Variants in ABRAXAS1 observed in about 807,000 individuals in gnomAD.
ABRAXAS1 encodes abraxas 1, BRCA1 A complex subunit.
ABRAXAS1 carries 26 observed loss-of-function variants against 38.4 expected under a neutral mutation model. The observed-to-expected ratio is 0.68, with a 90% CI of 0.50 to 0.94. ABRAXAS1 has a LOEUF of 0.94. ABRAXAS1 is among the 40% of genes least tolerant of loss of function. ABRAXAS1 has a pLI of 0.00. For synonymous variants in ABRAXAS1, 144 were observed against 165.5 expected (o/e 0.87, Z 1.00); for missense variants, 438 against 481.9 (o/e 0.91, Z 0.85).
At chr4:83,467,656 C>T in intron 6 of ABRAXAS1, 118 bp from the exon 7 acceptor site, 1 of 617,546 alleles carries the variant, frequency 1.6e-6, no homozygotes, top group Non-Finnish European at 2.9e-6. Flanking sequence ...TTGTAGGAAC[C>T]ATAATTTTGT....
Position 83,485,026 on chromosome 4 carries a change from C to T in ABRAXAS1, c.47G>A (p.Gly16Asp). 1 of 1,596,470 alleles carries T rather than the reference C, an allele frequency of 6.3e-7. No homozygotes were observed. Among genetic ancestry groups the T allele is most frequent in the Non-Finnish European group, 8.5e-7 (1 of 1,172,166 alleles). ...GTTGAGGTGCTGGAAAGCGAGTGCG[C>T]CGAGCACAAAGCCCGAGAGCACCGC... is the stretch of plus-strand genomic sequence containing the variant. ...TSAVLSGFVL[G>D]ALAFQHLNTD... Residue 16 changes from glycine to aspartate, a missense_variant, in exon 1 of 9, where the codon GGC (glycine) becomes GAC (aspartate). Gly to Asp is a moderately conservative substitution (Grantham distance 94, BLOSUM62 -1). Transcript: ENST00000321945.
At chr4:83,470,826 C>T (rs1722553465) in intron 4 of ABRAXAS1, among the ~76,000 whole-genome samples, 1 of 152,200 alleles carries the variant, frequency 6.6e-6, no homozygotes, top group South Asian at 2.1e-4. Flanking sequence ...AACCCTACAG[C>T]TTTTACCTAA....
At chr4:83,465,652 G>A (rs956105924) in intron 7 of ABRAXAS1, among the ~76,000 whole-genome samples, 1 of 152,160 alleles carries the variant, frequency 6.6e-6, no homozygotes, top group Non-Finnish European at 1.5e-5. Flanking sequence ...GCTGGGTGTA[G>A]TGGTGCACAC....
intron 2 of ABRAXAS1, chr4:83,477,934 C>T (rs949836442): frequency 2.1e-5 from 17 of 826,424 alleles, no homozygotes; most frequent in African/African-American, 1.0e-4. Context: ...CCAATCCCAC[C>T]GATGTTCTAA....
rs1189893325 is a variant in ABRAXAS1, at chr4:83,478,074, T to C, written c.179-1395A>G. The C allele has an allele frequency of 3.1e-5, 29 of 922,386 alleles. No homozygotes were observed. In the East Asian group the frequency reaches 7.8e-4, roughly 25 times the overall value. 57.1% of individuals were successfully genotyped at this position (922,386 alleles called of 1,614,324 possible). Reference sequence around the variant, plus strand: ...GTTCCAACTGCTCAGCATGCTGCCATCGTTGTGGGAGTAGAGCTACCAGTC... The same window carrying C: ...GTTCCAACTGCTCAGCATGCTGCCACCGTTGTGGGAGTAGAGCTACCAGTC... On this transcript the variant is annotated intron_variant, in intron 2 of 8. Coordinates refer to ENST00000321945, the MANE Select transcript of ABRAXAS1 (RefSeq NM_139076.3).
chr4:83,475,259 C>G (rs916313574), intron 3 of ABRAXAS1, among the ~76,000 whole-genome samples: 2 of 152,094 alleles, frequency 1.3e-5, no homozygotes, highest in African/African-American at 4.8e-5. Context: ...TTTGTATGTC[C>G]ATTACACATA....
chr4:83,468,546 C>T (rs1305965296), intron 6 of ABRAXAS1, among the ~76,000 whole-genome samples: 1 of 152,102 alleles, frequency 6.6e-6, no homozygotes, highest in Non-Finnish European at 1.5e-5. Context: ...ATGAGTGAGT[C>T]TTGGCTAAAG....
chr4:83,478,266 T>G, intron 2 of ABRAXAS1: 1 of 670,472 alleles, frequency 1.5e-6, no homozygotes, highest in South Asian at 1.4e-5. Flanking sequence ...GTGGGACATG[T>G]GGATCTCTAT....
At chr4:83,480,760 C>T (rs1383772708) in intron 2 of ABRAXAS1, among the ~76,000 whole-genome samples, 1 of 152,064 alleles carries the variant, frequency 6.6e-6, no homozygotes, top group Non-Finnish European at 1.5e-5. Flanking sequence ...AAACTAGAAA[C>T]AGCTGATTAT....
At chr4:83,476,605 TC>T in intron 3 of ABRAXAS1, 37 bp downstream of exon 3, 1 of 1,396,046 alleles carries the variant, frequency 7.2e-7, no homozygotes, top group Non-Finnish European at 1.0e-6. Context: ...AGAGTAATTT[TC>T]ACAATGGATC....
intron 1 of ABRAXAS1, chr4:83,484,163 C>T (rs765230604): frequency 2.0e-6 from 2 of 982,862 alleles, no homozygotes; most frequent in Non-Finnish European, 2.4e-6. Flanking sequence ...CCACCGCGCC[C>T]GACCTATATT....
intron 5 of ABRAXAS1, 47 bp from the exon 6 acceptor site, chr4:83,469,198 A>G (rs568867830): frequency 6.5e-7 from 1 of 1,530,206 alleles, no homozygotes; most frequent in Non-Finnish European, 9.0e-7. Context: ...GAAAAGAAAG[A>G]TTAGTATCTA....
At position 83,459,600 on chromosome 4, in the gene ABRAXAS1, A is replaced by G. The variant is rs1041258644; in HGVS notation, c.*2869T>C. The G allele has an allele frequency of 2.5e-5, 17 of 684,764 alleles. No homozygotes were observed. In the African/African-American group the frequency reaches 2.9e-4, roughly 12 times the overall value. The allele number at this position is 684,764 out of a possible 1,614,324, so 42.4% of individuals were successfully genotyped here. On this transcript the variant is annotated 3_prime_UTR_variant, in exon 9 of 9. Transcript: ENST00000321945. Reference sequence around the variant, plus strand: ...TAAAAGGTAACAGGAGGATAACAATATTTTTTTCTTATATTTTATGAAATG... The same window carrying G: ...TAAAAGGTAACAGGAGGATAACAATGTTTTTTTCTTATATTTTATGAAATG...
rs36014997 is a variant in ABRAXAS1 at position 83,460,163 on chromosome 4, C to CTT, written c.*2304_*2305dup. ...TTAGGTTCATCATATACAAATGCCACTTTTTTTTTTTTTTGAGATGGAATC... is the reference window on the plus strand; with the variant it reads ...TTAGGTTCATCATATACAAATGCCACTTTTTTTTTTTTTTTTGAGATGGAATC... On this transcript the variant is annotated 3_prime_UTR_variant, in exon 9 of 9. Coordinates refer to ENST00000321945, the MANE Select transcript of ABRAXAS1 (RefSeq NM_139076.3). 3,797 of 146,910 alleles carry CTT rather than the reference C, an allele frequency of 0.026. 144 individuals are homozygous for CTT. The highest frequency in any genetic ancestry group is 0.085 in the African/African-American group (3,390 of 39,656). 9.1% of individuals were successfully genotyped at this position (146,910 alleles called of 1,614,324 possible).
intron 1 of ABRAXAS1, 69 bp downstream of exon 1, chr4:83,484,917 G>T: frequency 1.5e-6 from 2 of 1,361,744 alleles, no homozygotes; most frequent in Non-Finnish European, 2.0e-6. Flanking sequence ...CGGAGCAACA[G>T]CGGGGAGGCA....
chr4:83,471,823 T>C (rs1313234377), intron 4 of ABRAXAS1, among the ~76,000 whole-genome samples: 1 of 151,802 alleles, frequency 6.6e-6, no homozygotes, highest in African/African-American at 2.4e-5. Context: ...TCAGCCTAGA[T>C]CACACCACTG....
At position 83,462,708 on chromosome 4, in the gene ABRAXAS1, C is replaced by A; in HGVS notation, c.991G>T (p.Asp331Tyr). The A allele has an allele frequency of 6.2e-7, 1 of 1,613,728 alleles. No homozygotes were observed. Among genetic ancestry groups the A allele is most frequent in the South Asian group, 1.1e-5 (1 of 91,056 alleles). The change falls in exon 9 of 9, where the codon GAC becomes TAC. Residue 331 changes from aspartate (D) to tyrosine (Y), a missense_variant. By Grantham distance (160) the Asp-to-Tyr change is radical. Transcript: ENST00000321945. ...DNLTLMVEHT[D>Y]IPEASPASTP... Reference sequence around the variant, plus strand: ...CTAGCTGGACTAGCTTCAGGAATGTCAGTGTGTTCTACCATTAAGGTCAGA... The same window carrying A: ...CTAGCTGGACTAGCTTCAGGAATGTAAGTGTGTTCTACCATTAAGGTCAGA...
chr4:83,471,189 A>ATTTTTTTTTTTTTTTT (rs1560575138), intron 4 of ABRAXAS1, among the ~76,000 whole-genome samples: 1 of 124,104 alleles, frequency 8.1e-6, no homozygotes, highest in Admixed American at 8.5e-5. Context: ...TGAAAGAAAC[A>ATTTTTTTTTTTTTTTT]TCTTTTTTTT....
rs1722001490 is a variant in ABRAXAS1 at position 83,459,631 on chromosome 4, G to T, written c.*2838C>A. On this transcript the variant is annotated 3_prime_UTR_variant, in exon 9 of 9. Transcript: ENST00000321945. ...TTCTTATATTTTATGAAATGTGTCT[G>T]AAATTTAGTAAAGCTTTATATAACC... 3 of 931,024 alleles carry T rather than the reference G, an allele frequency of 3.2e-6. No homozygotes were observed. The South Asian group carries it at 4.9e-5, about 15-fold the overall frequency. The allele number at this position is 931,024 out of a possible 1,614,324, so 57.7% of individuals were successfully genotyped here. A position where few individuals can be genotyped will look rare whatever the true frequency, so the allele number is the denominator to read the frequency against.
Sources: allele counts gnomAD v4.1 joint callset (sites outside exome capture counted in the v4.1 genomes callset), GRCh38; gene constraint gnomAD v4.1.1; transcripts MANE v1.5; gene names NCBI Gene and HGNC (gene_info 2026-07-23, HGNC 2026-07-21).